The following BTN3A3 variants were observed in gnomAD, a reference collection of about 807,000 sequenced individuals.
The protein encoded by BTN3A3 is butyrophilin subfamily 3 member A3.
BTN3A3 carries 39 observed loss-of-function variants against 43.2 expected under a neutral mutation model. The ratio of observed to expected loss-of-function variants is 0.90; its 90% CI spans 0.70 to 1.18. BTN3A3 has a LOEUF of 1.18. BTN3A3 is among the 50% of genes most tolerant of loss of function. The pLI is 0.00. For synonymous variants in BTN3A3, 255 were observed against 272.7 expected (o/e 0.93, Z 0.64); for missense variants, 631 against 722.8 (o/e 0.87, Z 1.46).
chr6:26,442,008 AG>A (rs1403615578), intron 1 of BTN3A3, among the ~76,000 whole-genome samples: 7 of 152,226 alleles, frequency 4.6e-5, no homozygotes, highest in African/African-American at 1.4e-4. Context: ...AGAAGTTTTG[AG>A]GAACAGAAGA....
At chr6:26,442,386 T>A (rs1762659438) in intron 1 of BTN3A3, among the ~76,000 whole-genome samples, 1 of 152,212 alleles carries the variant, frequency 6.6e-6, no homozygotes, top group Admixed American at 6.5e-5. Context: ...GTTCTTTTGC[T>A]CACTTAACTT....
chr6:26,450,095 C>T lies in BTN3A3; in HGVS notation c.992-12C>T. ...ACTGACCTTTTTCTTATCTGTGTCT[C>T]CTTCCTTTCAGAATGGAAAATGGCC... On this transcript the variant is annotated splice_polypyrimidine_tract_variant and intron_variant, in intron 9 of 10. Transcript: ENST00000244519. The T allele has an allele frequency of 1.2e-6, 2 of 1,613,326 alleles. No individual in the cohort carries two copies. Among genetic ancestry groups the T allele is most frequent in the South Asian group, 2.2e-5 (2 of 91,056 alleles).
chr6:26,450,335 C>A (rs1762896123), intron 10 of BTN3A3: 1 of 598,244 alleles, frequency 1.7e-6, no homozygotes, highest in Middle Eastern at 2.7e-4. Flanking sequence ...GGGAGAATTG[C>A]TCTCTTGGGC....
In BTN3A3 at chr6:26,452,152, T is replaced by C; in HGVS notation, c.1496T>C (p.Phe499Ser). The C allele has an allele frequency of 1.2e-6, 2 of 1,614,132 alleles. No homozygotes were observed. The highest frequency in any genetic ancestry group is 1.7e-6 in the Non-Finnish European group (2 of 1,180,046). Reference sequence around the variant, plus strand: ...TTCTCTGAGCCTCTATATCCTGTTTTCAGAATTTTGACCTTGGAGCCCACT... The same window carrying C: ...TTCTCTGAGCCTCTATATCCTGTTTCCAGAATTTTGACCTTGGAGCCCACT... ...ASFSEPLYPV[F>S]RILTLEPTAL... The change falls in exon 11 of 11, where the codon TTC becomes TCC. Residue 499 changes from phenylalanine to serine, a missense_variant. By Grantham distance (155) the Phe-to-Ser change is radical. Around this residue, in one of 2 missense-constraint regions of BTN3A3, gnomAD observed 551 missense variants for 584.0 expected, o/e 0.94. Coordinates refer to ENST00000244519, the MANE Select transcript of BTN3A3 (RefSeq NM_006994.5).
intron 9 of BTN3A3, 76 bp from the exon 10 acceptor site, chr6:26,450,031 G>A (rs972057056): frequency 1.4e-6 from 2 of 1,474,862 alleles, no homozygotes; most frequent in Non-Finnish European, 9.5e-7. Flanking sequence ...GAGAAAACGT[G>A]TAGTGAAAGG....
At chr6:26,449,907 A>AC (rs1762883227) in intron 9 of BTN3A3, among the ~76,000 whole-genome samples, 200 bp from the exon 10 acceptor site, 1 of 151,772 alleles carries the variant, frequency 6.6e-6, no homozygotes, top group Admixed American at 6.6e-5. Context: ...TGCAGCCTGC[A>AC]CCCCCCATGG....
At position 26,451,739 on chromosome 6, in the gene BTN3A3, T is replaced by C. The variant is rs771731251; in HGVS notation, c.1083T>C (p.Ser361=). 17 of 1,613,708 alleles carry C rather than the reference T, an allele frequency of 1.1e-5. No homozygotes were observed. The highest frequency in any genetic ancestry group is 1.7e-5 in the Admixed American group (1 of 59,954). The change falls in exon 11 of 11, where the codon AGT becomes AGC. Residue 361 remains serine, a synonymous_variant. Transcript: ENST00000244519. Reference sequence around the variant, plus strand: ...TCCTTGTTTCTGAGGACCAGAGGAGTGTGCAGCGTGCTGAAGAGCCGCGGG... The same window carrying C: ...TCCTTGTTTCTGAGGACCAGAGGAGCGTGCAGCGTGCTGAAGAGCCGCGGG... The part of the protein sequence containing the change: ...AILLVSEDQR[S]VQRAEEPRDL...
chr6:26,450,075 C>T (rs1314476088), intron 9 of BTN3A3, 32 bp from the exon 10 acceptor site: 6 of 1,609,872 alleles, frequency 3.7e-6, no homozygotes, highest in Non-Finnish European at 5.1e-6. Flanking sequence ...AAAATACTGA[C>T]CTTTTTCTTA....
Position 26,452,356 on chromosome 6 carries a change from C to T in BTN3A3, c.1700C>T (p.Ser567Phe). Residue 567 changes from serine to phenylalanine, a missense_variant, in exon 11 of 11, where the codon TCT becomes TTT. Physicochemically the swap from Ser to Phe is radical, Grantham distance 155. Transcript: ENST00000244519. ...CACCCTGGAGCTGAGGTCTCCCCTT[C>T]TGCAACAACCAATCAGAACCATAAG... ...PAHPGAEVSP[S>F]ATTNQNHKLQ... 1.9e-6 allele frequency: 3 copies of T among 1,609,760 alleles called. No homozygotes were observed. Among genetic ancestry groups the T allele is most frequent in the Non-Finnish European group, 2.5e-6 (3 of 1,179,994 alleles).
Position 26,453,229 on chromosome 6 carries a change from C to G in BTN3A3, c.*818C>G, listed in dbSNP as rs1762972180. The G allele has an allele frequency of 6.6e-6, 1 of 152,142 alleles. No individual in the cohort carries two copies. The highest frequency in any genetic ancestry group is 1.5e-5 in the Non-Finnish European group (1 of 68,034). The allele number at this position is 152,142 out of a possible 1,614,324, so 9.4% of individuals were successfully genotyped here. A position where few individuals can be genotyped will look rare whatever the true frequency, so the allele number is the denominator to read the frequency against. On this transcript the variant is annotated 3_prime_UTR_variant, in exon 11 of 11. Coordinates refer to ENST00000244519, the MANE Select transcript of BTN3A3 (RefSeq NM_006994.5). The stretch of plus-strand genomic sequence containing the variant: ...TTTTTAATCCCACTATGGACTCAGT[C>G]TCCTGGAAATAGGTCTGTCCACTCC...
intron 4 of BTN3A3, chr6:26,444,662 T>G: frequency 2.4e-6 from 1 of 412,340 alleles, no homozygotes; most frequent in Non-Finnish European, 4.5e-6. Flanking sequence ...AAGTGCACGT[T>G]ACCGTGGGTC....
intron 5 of BTN3A3, among the ~76,000 whole-genome samples, chr6:26,447,009 G>A (rs1762798695): frequency 6.6e-6 from 1 of 152,082 alleles, no homozygotes; most frequent in South Asian, 2.1e-4. Context: ...GATTACAAGT[G>A]TGAGTCACCA....
rs775607871 is a variant in BTN3A3 at position 26,451,851 on chromosome 6, G to C, written c.1195G>C (p.Val399Leu). Residue 399 changes from valine to leucine, a missense_variant, in exon 11 of 11, where the codon GTG becomes CTG. Coordinates refer to ENST00000244519, the MANE Select transcript of BTN3A3 (RefSeq NM_006994.5). ...NFTSGRHYWE[V>L]EVGDRKEWHI... ...CACATCAGGGAGACATTACTGGGAGGTGGAAGTGGGGGACAGAAAAGAGTG... is the reference window on the plus strand; with the variant it reads ...CACATCAGGGAGACATTACTGGGAGCTGGAAGTGGGGGACAGAAAAGAGTG... The C allele has an allele frequency of 6.2e-7, 1 of 1,614,204 alleles. No individual in the cohort carries two copies. Among genetic ancestry groups the C allele is most frequent in the Admixed American group, 1.7e-5 (1 of 60,028 alleles).
rs1762717778 is a variant in BTN3A3 at position 26,444,341 on chromosome 6, G to A, written c.433+37G>A. 3 of 1,611,898 alleles carry A rather than the reference G, an allele frequency of 1.9e-6. No homozygotes were observed. In the South Asian group the frequency reaches 3.3e-5, roughly 18 times the overall value. On this transcript the variant is annotated intron_variant, in intron 4 of 10. Transcript: ENST00000244519. ...GGTTTTGTTCTGAGAACACTTCTCT[G>A]TAGGATCTAGAGCAGATGCAGAGTC...
rs1260636362 is a variant in BTN3A3, at chr6:26,452,266, C to T, written c.1610C>T (p.Thr537Ile). 3 of 1,614,152 alleles carry T rather than the reference C, an allele frequency of 1.9e-6. No homozygotes were observed. Among genetic ancestry groups the T allele is most frequent in the Non-Finnish European group, 8.5e-7 (1 of 1,180,026 alleles). ...GATCATTCCCTGGAGACACCACTGA[C>T]CCCGGGCTTAGCTAATGAAAGTGGG... ...VPDHSLETPL[T>I]PGLANESGEP... Residue 537 changes from threonine (T) to isoleucine (I), a missense_variant, in exon 11 of 11, where the codon ACC becomes ATC. Coordinates refer to ENST00000244519, the MANE Select transcript of BTN3A3 (RefSeq NM_006994.5).
chr6:26,447,020 G>T (rs779236607), intron 5 of BTN3A3, among the ~76,000 whole-genome samples: 1 of 152,010 alleles, frequency 6.6e-6, no homozygotes, highest in Non-Finnish European at 1.5e-5. Flanking sequence ...TGAGTCACCA[G>T]CCCGGCCTAT....
intron 1 of BTN3A3, among the ~76,000 whole-genome samples, chr6:26,442,264 A>G (rs1762656679): frequency 6.6e-6 from 1 of 152,170 alleles, no homozygotes; most frequent in African/African-American, 2.4e-5. Flanking sequence ...AGCAGCTTAT[A>G]TGTTCCAGTC....
At position 26,445,785 on chromosome 6, in the gene BTN3A3, A is replaced by G. The variant is rs1247952916; in HGVS notation, c.515A>G (p.Tyr172Cys). The G allele has an allele frequency of 6.2e-7, 1 of 1,614,080 alleles. No homozygotes were observed. The highest frequency in any genetic ancestry group is 8.5e-7 in the Non-Finnish European group (1 of 1,180,002). The change falls in exon 5 of 11, where the codon TAC (tyrosine) becomes TGC (cysteine). Residue 172 changes from tyrosine (Y) to cysteine (C), a missense_variant. Transcript: ENST00000244519. The stretch of plus-strand genomic sequence containing the variant: ...CTGGAGTGCAGGTCCACTGGCTGGT[A>G]CCCCCAACCCCAAATAAAGTGGAGC... Reference protein sequence around the residue: ...IHLECRSTGWYPQPQIKWSDT... With the variant: ...IHLECRSTGWCPQPQIKWSDT...
rs1460240209 is a variant in BTN3A3 at position 26,450,150 on chromosome 6, A to G, written c.1018+17A>G. On this transcript the variant is annotated intron_variant, in intron 10 of 10. Coordinates refer to ENST00000244519, the MANE Select transcript of BTN3A3 (RefSeq NM_006994.5). ...TCAAACCTGGTGAGTAAATCACTGTATGTTCCCTGGATCAACAACCTGAGG... is the reference window on the plus strand; with the variant it reads ...TCAAACCTGGTGAGTAAATCACTGTGTGTTCCCTGGATCAACAACCTGAGG... The G allele has an allele frequency of 3.7e-6, 6 of 1,611,954 alleles. No homozygotes were observed. The highest frequency in any genetic ancestry group is 2.5e-6 in the Non-Finnish European group (3 of 1,178,068).
Sources: allele counts gnomAD v4.1 joint callset (sites outside exome capture counted in the v4.1 genomes callset), GRCh38; gene constraint gnomAD v4.1.1; regional missense constraint gnomAD v4.1.1; transcripts MANE v1.5; gene names NCBI Gene and HGNC (gene_info 2026-07-23, HGNC 2026-07-21).